Variants in NCKAP1 observed in about 807,000 individuals in gnomAD.
The protein encoded by NCKAP1 is NCK associated protein 1.
In NCKAP1, 21 loss-of-function variants were observed where a neutral mutation model predicts 151.2. The ratio of observed to expected loss-of-function variants is 0.14; its 90% CI spans 0.10 to 0.20. The LOEUF is 0.20. NCKAP1 is among the 10% of genes least tolerant of loss of function. The pLI is 1.00. For missense variants in NCKAP1, 933 were observed against 1,352.1 expected (o/e 0.69, Z 4.86); for synonymous variants, 484 against 451.8 (o/e 1.07, Z -0.90).
At chr2:183,021,449 A>G in intron 2 of NCKAP1, among the ~76,000 whole-genome samples, 1 of 152,174 alleles carries the variant, frequency 6.6e-6, no homozygotes, top group Non-Finnish European at 1.5e-5. Flanking sequence ...AAAATTAAAA[A>G]AAATTTTTAA....
At chr2:183,006,845 A>C (rs1698481469) in intron 2 of NCKAP1, among the ~76,000 whole-genome samples, 1 of 152,164 alleles carries the variant, frequency 6.6e-6, no homozygotes, top group African/African-American at 2.4e-5. Context: ...CTGTGAGAAA[A>C]AATTGATTCT....
intron 28 of NCKAP1, among the ~76,000 whole-genome samples, chr2:182,928,582 C>T (rs1458900267): frequency 6.6e-6 from 1 of 151,822 alleles, no homozygotes; most frequent in Non-Finnish European, 1.5e-5. Context: ...GATAATCCCT[C>T]ACCGACCTCT....
In NCKAP1 at chr2:182,926,888, T is replaced by C. The variant is rs151275382; in HGVS notation, c.3198A>G (p.Leu1066=). ...KEFLALASSS[L]LKIGQETDKT... is the part of the protein sequence containing the mutation. Reference sequence around the variant, plus strand: ...TATCTGTCTCCTGGCCAATTTTCAGTAGACTGGAGGATGCAAGCTTAAAAG... The same window carrying C: ...TATCTGTCTCCTGGCCAATTTTCAGCAGACTGGAGGATGCAAGCTTAAAAG... The change falls in exon 30 of 31, where the codon CTA becomes CTG. Residue 1066 remains leucine (L), a synonymous_variant. Transcript: ENST00000361354. 14 of 1,604,270 alleles carry C rather than the reference T, an allele frequency of 8.7e-6. No homozygotes were observed. Among genetic ancestry groups the C allele is most frequent in the South Asian group, 5.6e-5 (5 of 89,748 alleles).
chr2:182,937,116 A>T (rs1313213556), intron 24 of NCKAP1, among the ~76,000 whole-genome samples: 1 of 2,978 alleles, frequency 3.4e-4, no homozygotes, highest in East Asian at 0.045. Context: ...CTGTCTCACA[A>T]AAAAAAAAAA....
In NCKAP1 at chr2:182,923,052, C is replaced by T. The variant is rs1373720308; in HGVS notation, c.*2650G>A. The stretch of plus-strand genomic sequence containing the variant: ...GTTTATTGTATACCATCACTAAAAT[C>T]CAAGCTCAACTATAAAAGGGTCACC... On this transcript the variant is annotated 3_prime_UTR_variant, in exon 31 of 31. Transcript: ENST00000361354. 1 of 152,108 alleles carries T rather than the reference C, an allele frequency of 6.6e-6. No individual in the cohort carries two copies. The highest frequency in any genetic ancestry group is 1.5e-5 in the Non-Finnish European group (1 of 68,016). The allele number at this position is 152,108 out of a possible 1,614,324, so 9.4% of individuals were successfully genotyped here.
At chr2:183,029,848 A>G (rs1698972393) in intron 1 of NCKAP1, among the ~76,000 whole-genome samples, 2 of 150,554 alleles carry the variant, frequency 1.3e-5, no homozygotes, top group Non-Finnish European at 3.0e-5. Flanking sequence ...AAAGAGAGAG[A>G]AGGAAAAAAA....
rs370005022 is a variant in NCKAP1 at position 182,956,608 on chromosome 2, T to C, written c.2022-15A>G. ...ATTTATCAAGGCTGAAAAAAATTAA[T>C]AAACAGTTAAAATGTTCACATGTCA... On this transcript the variant is annotated splice_polypyrimidine_tract_variant and intron_variant, in intron 19 of 30. Coordinates refer to ENST00000361354, the MANE Select transcript of NCKAP1 (RefSeq NM_013436.5). The C allele has an allele frequency of 1.3e-6, 2 of 1,594,464 alleles. No homozygotes were observed. The highest frequency in any genetic ancestry group is 1.7e-6 in the Non-Finnish European group (2 of 1,173,182).
rs181526609 is a variant in NCKAP1, at chr2:183,017,438, G to A, written c.219+6368C>T. Among the ~76,000 whole-genome samples, 21 of 152,160 alleles carry A rather than the reference G, an allele frequency of 1.4e-4. 1 individual carries two copies. Among genetic ancestry groups the A allele is most frequent in the African/African-American group, 4.6e-4 (19 of 41,482 alleles). On this transcript the variant is annotated intron_variant, in intron 2 of 30. Transcript: ENST00000361354. ...GGCATTAGATTCTCCTCAAGAGCTC[G>A]CAACCTAGATCCCTCGTGTGCACAG... is the stretch of plus-strand genomic sequence containing the variant.
chr2:182,952,411 T>G lies in NCKAP1; in HGVS notation c.2595A>C (p.Glu865Asp). ...LMWHISSQVA[E>D]LKKLVVENVD... The stretch of plus-strand genomic sequence containing the variant: ...TTAATAAAGACTATATTACCTTAAG[T>G]TCAGCAACTTGTGATGAAATATGCC... Residue 865 changes from glutamate (E) to aspartate (D), a missense_variant, in exon 23 of 31, where the codon GAA (glutamate) becomes GAC (aspartate). Coordinates refer to ENST00000361354, the MANE Select transcript of NCKAP1 (RefSeq NM_013436.5). 1 of 1,600,236 alleles carries G rather than the reference T, an allele frequency of 6.2e-7. No homozygotes were observed. The highest frequency in any genetic ancestry group is 1.1e-5 in the South Asian group (1 of 88,894).
chr2:182,964,605 TTTGG>T (rs1190613774), intron 17 of NCKAP1, 67 bp downstream of exon 17: 1 of 1,296,270 alleles, frequency 7.7e-7, no homozygotes, highest in Non-Finnish European at 1.0e-6. Context: ...ACTGTAAATA[TTTGG>T]TTGGCTACAG....
Position 182,910,895 on chromosome 2 carries a change from T to TA in NCKAP1, c.*14806_*14807insT, listed in dbSNP as rs1234964448. ...TTACAGATTAAAGACTCAACCTGTA[T>TA]TCATGCTCTGATGGTCCAACATTAT... On this transcript the variant is annotated 3_prime_UTR_variant, in exon 31 of 31. Coordinates refer to ENST00000361354, the MANE Select transcript of NCKAP1 (RefSeq NM_013436.5). The TA allele has an allele frequency of 1.3e-5, 2 of 151,396 alleles. No homozygotes were observed. Among genetic ancestry groups the TA allele is most frequent in the Non-Finnish European group, 2.9e-5 (2 of 67,954 alleles). 9.4% of individuals were successfully genotyped at this position (151,396 alleles called of 1,614,324 possible).
chr2:182,983,584 A>G (rs1230829468), intron 10 of NCKAP1, among the ~76,000 whole-genome samples: 1 of 152,080 alleles, frequency 6.6e-6, no homozygotes, highest in African/African-American at 2.4e-5. Context: ...TGCTTTTTAA[A>G]CTATGTTTCT....
intron 1 of NCKAP1, among the ~76,000 whole-genome samples, chr2:183,031,203 C>T (rs7570059): frequency 0.015 from 2,327 of 152,156 alleles, 63 homozygotes; most frequent in African/African-American, 0.053. Flanking sequence ...ACCCATTATA[C>T]ACTTCAAAAT....
chr2:183,003,316 C>A lies in NCKAP1; in HGVS notation c.229G>T (p.Ala77Ser). 1 of 1,591,642 alleles carries A rather than the reference C, an allele frequency of 6.3e-7. No individual in the cohort carries two copies. Among genetic ancestry groups the A allele is most frequent in the Non-Finnish European group, 8.6e-7 (1 of 1,169,404 alleles). Reference sequence around the variant, plus strand: ...TCTGATTTTTCTTTCTGTAGTTGTGCAAGCTGTTGCTGTAAAAACAAAATT... The same window carrying A: ...TCTGATTTTTCTTTCTGTAGTTGTGAAAGCTGTTGCTGTAAAAACAAAATT... ...VETRNNNQQL[A>S]QLQKEKSEIL... Residue 77 changes from alanine to serine, a missense_variant, in exon 3 of 31, where the codon GCA becomes TCA. By Grantham distance (99) the Ala-to-Ser change is moderately conservative (BLOSUM62 1). Coordinates refer to ENST00000361354, the MANE Select transcript of NCKAP1 (RefSeq NM_013436.5).
intron 23 of NCKAP1, among the ~76,000 whole-genome samples, chr2:182,944,715 T>C (rs534791475): frequency 8.5e-5 from 13 of 152,288 alleles, no homozygotes; most frequent in African/African-American, 3.1e-4. Flanking sequence ...ACTAAAATAA[T>C]TAAGATCACC....
intron 6 of NCKAP1, among the ~76,000 whole-genome samples, chr2:182,998,433 C>G (rs895202256): frequency 6.6e-6 from 1 of 151,996 alleles, no homozygotes; most frequent in African/African-American, 2.4e-5. Context: ...AATTCTATAC[C>G]TAGAAAACTA....
chr2:183,013,244 T>C (rs1698622452), intron 2 of NCKAP1, among the ~76,000 whole-genome samples: 1 of 152,126 alleles, frequency 6.6e-6, no homozygotes, highest in South Asian at 2.1e-4. Context: ...ATATAAACAA[T>C]TGGCTATTTG....
In NCKAP1 at chr2:182,942,176, G is replaced by C. The variant is rs1385450785; in HGVS notation, c.2602-13C>G. On this transcript the variant is annotated splice_polypyrimidine_tract_variant and intron_variant, in intron 23 of 30. Transcript: ENST00000361354. ...CCACCACAAGTTTCTAAAAAAAAAA[G>C]AAAGATCCTAGGTCAGGCACAGACC... The C allele has an allele frequency of 6.3e-7, 1 of 1,584,134 alleles. No individual in the cohort carries two copies. The highest frequency in any genetic ancestry group is 8.7e-7 in the Non-Finnish European group (1 of 1,155,702).
intron 24 of NCKAP1, among the ~76,000 whole-genome samples, chr2:182,936,005 C>A (rs892649788): frequency 6.6e-6 from 1 of 152,116 alleles, no homozygotes; most frequent in African/African-American, 2.4e-5. Flanking sequence ...ATCTGTAATC[C>A]TAGCATTCTA....
Sources: gnomAD v4.1 joint callset for allele counts (sites outside exome capture counted in the v4.1 genomes callset) on GRCh38, gnomAD v4.1.1 for gene constraint, MANE v1.5 for transcripts, NCBI Gene and HGNC (gene_info 2026-07-23, HGNC 2026-07-21) for gene names.